The following PPP1R13B variants were observed in gnomAD, a reference collection of about 807,000 sequenced individuals.
PPP1R13B encodes the protein protein phosphatase 1 regulatory subunit 13B.
Under a neutral mutation model 119.8 loss-of-function variants are expected in PPP1R13B, and 44 were observed. That is an observed-to-expected ratio of 0.37 (90% CI 0.29 to 0.47). The LOEUF (loss-of-function observed/expected upper bound fraction) is 0.47. PPP1R13B is among the 20% of genes least tolerant of loss of function. PPP1R13B has a pLI of 0.99. For missense variants in PPP1R13B, 1,227 were observed against 1,413.5 expected, an observed-to-expected ratio of 0.87 and a Z score of 2.12; for synonymous variants, 542 against 561.5, an observed-to-expected ratio of 0.97 and a Z score of 0.49.
At chr14:103,736,424 C>T (rs1223621565) in intron 15 of PPP1R13B, 2 of 595,766 alleles carry the variant, frequency 3.4e-6, no homozygotes, top group Non-Finnish European at 3.0e-6. Context: ...TTTCTAAGTC[C>T]TGCAGGACAG....
intron 4 of PPP1R13B, among the ~76,000 whole-genome samples, chr14:103,763,661 T>C (rs1479969973): frequency 6.6e-6 from 1 of 152,224 alleles, no homozygotes; most frequent in Non-Finnish European, 1.5e-5. Flanking sequence ...AGGCATAATT[T>C]ACATATCCTA....
In PPP1R13B at chr14:103,801,597, C is replaced by T. The variant is rs973372791; in HGVS notation, c.10-4079G>A. ...GGGAGGCCACATGCTCCTTCCTTTACGATCCAGTGGCTCTTCACACAGATC... is the reference window on the plus strand; with the variant it reads ...GGGAGGCCACATGCTCCTTCCTTTATGATCCAGTGGCTCTTCACACAGATC... On this transcript the variant is annotated intron_variant, in intron 1 of 16. Transcript: ENST00000202556. Among the ~76,000 whole-genome samples the T allele has an allele frequency of 2.0e-5, 3 of 152,200 alleles. No individual in the cohort carries two copies. The South Asian group carries it at 6.2e-4, about 31-fold the overall frequency.
chr14:103,749,407 T>C (rs763064525), intron 8 of PPP1R13B, among the ~76,000 whole-genome samples: 18 of 152,184 alleles, frequency 1.2e-4, no homozygotes, highest in Non-Finnish European at 1.9e-4. Context: ...CAAATCACTT[T>C]ACAGCAAGAA....
At chr14:103,821,648 G>A (rs2152069466) in intron 1 of PPP1R13B, among the ~76,000 whole-genome samples, 1 of 152,244 alleles carries the variant, frequency 6.6e-6, no homozygotes, top group East Asian at 1.9e-4. Flanking sequence ...ATACTCGGGA[G>A]GCTAAGGCAG....
At chr14:103,755,495 G>A (rs925031619) in intron 5 of PPP1R13B, among the ~76,000 whole-genome samples, 2 of 151,994 alleles carry the variant, frequency 1.3e-5, no homozygotes, top group Admixed American at 6.5e-5. Context: ...CTTCAATAGG[G>A]TTTTCCCTAT....
chr14:103,834,581 CTTTTTTTTTTT>C (rs1157222905), intron 1 of PPP1R13B, among the ~76,000 whole-genome samples: 21 of 89,400 alleles, frequency 2.3e-4, no homozygotes, highest in African/African-American at 6.6e-4. Flanking sequence ...ATTTTAATGT[CTTTTTTTTTTT>C]TTTTTTTTTT....
chr14:103,767,774 T>C (rs186225251), intron 4 of PPP1R13B, among the ~76,000 whole-genome samples: 1 of 152,226 alleles, frequency 6.6e-6, no homozygotes, highest in Non-Finnish European at 1.5e-5. Context: ...TCTGTCACCA[T>C]ACAGTTTCAT....
At chr14:103,746,299 C>G (rs2084383362) in intron 9 of PPP1R13B, 74 bp downstream of exon 9, 1 of 199,666 alleles carries the variant, frequency 5.0e-6, no homozygotes, top group Non-Finnish European at 1.1e-5. Context: ...CCTGCCCCAC[C>G]CCCCGCCCCT....
At chr14:103,795,273 G>A (rs1195208634) in intron 2 of PPP1R13B, among the ~76,000 whole-genome samples, 12 of 152,100 alleles carry the variant, frequency 7.9e-5, no homozygotes, top group Non-Finnish European at 1.5e-4. Context: ...GACAGTATTA[G>A]AGCACAGGGA....
intron 1 of PPP1R13B, among the ~76,000 whole-genome samples, chr14:103,823,753 A>G (rs1389878955): frequency 6.6e-6 from 1 of 152,212 alleles, no homozygotes; most frequent in Non-Finnish European, 1.5e-5. Context: ...CTTTCCATGT[A>G]TAACAACTTT....
At position 103,847,324 on chromosome 14, in the gene PPP1R13B, G is replaced by A; in HGVS notation, c.-17C>T. On this transcript the variant is annotated 5_prime_UTR_variant, in exon 1 of 17. Transcript: ENST00000202556. ...CGGCATCATCGCGGGGAGAGTCCGC[G>A]ACGCCCTCGGCCGCCGCCTGACAGG... 1 of 1,201,292 alleles carries A rather than the reference G, an allele frequency of 8.3e-7. No individual in the cohort carries two copies. The allele number at this position is 1,201,292 out of a possible 1,614,324, so 74.4% of individuals were successfully genotyped here.
At chr14:103,811,641 C>G (rs1250829034) in intron 1 of PPP1R13B, among the ~76,000 whole-genome samples, 2 of 151,626 alleles carry the variant, frequency 1.3e-5, no homozygotes, top group African/African-American at 4.8e-5. Flanking sequence ...TGAGCTATGA[C>G]TGTGCCACTG....
intron 2 of PPP1R13B, among the ~76,000 whole-genome samples, chr14:103,793,317 G>C (rs1173688054): frequency 6.6e-6 from 1 of 152,186 alleles, no homozygotes; most frequent in Non-Finnish European, 1.5e-5. Context: ...TGTCAAGGGA[G>C]AGACCAGATG....
At chr14:103,789,861 A>G (rs1165234309) in intron 2 of PPP1R13B, among the ~76,000 whole-genome samples, 1 of 151,988 alleles carries the variant, frequency 6.6e-6, no homozygotes, top group Non-Finnish European at 1.5e-5. Flanking sequence ...TTTATATTGT[A>G]TTAGTGTTTA....
At position 103,847,218 on chromosome 14, in the gene PPP1R13B, G is replaced by A. The variant is rs572461162; in HGVS notation, c.9+81C>T. 172 of 1,075,624 alleles carry A rather than the reference G, an allele frequency of 1.6e-4. 1 individual carries two copies. The East Asian group carries it at 7.4e-3, about 47-fold the overall frequency. The allele number at this position is 1,075,624 out of a possible 1,614,324, so 66.6% of individuals were successfully genotyped here. A position where few individuals can be genotyped will look rare whatever the true frequency, so the allele number is the denominator to read the frequency against. The stretch of plus-strand genomic sequence containing the variant: ...CCCGGCCTCGCACCGGCCCGCGGGG[G>A]CTGGGAGCCGCGGGAGGAAGGAGGT... On this transcript the variant is annotated intron_variant, in intron 1 of 16. Coordinates refer to ENST00000202556, the MANE Select transcript of PPP1R13B (RefSeq NM_015316.3).
At chr14:103,788,846 G>A (rs1483991346) in intron 2 of PPP1R13B, among the ~76,000 whole-genome samples, 1 of 152,104 alleles carries the variant, frequency 6.6e-6, no homozygotes, top group Non-Finnish European at 1.5e-5. Flanking sequence ...ACAGACAATG[G>A]CCAAGCAGCC....
At chr14:103,786,450 G>A (rs1387603737) in intron 2 of PPP1R13B, among the ~76,000 whole-genome samples, 1 of 151,990 alleles carries the variant, frequency 6.6e-6, no homozygotes, top group Non-Finnish European at 1.5e-5. Context: ...ACTGTCTCAG[G>A]TATTATGCCT....
At chr14:103,807,946 A>T (rs1312252446) in intron 1 of PPP1R13B, among the ~76,000 whole-genome samples, 1 of 152,126 alleles carries the variant, frequency 6.6e-6, no homozygotes, top group African/African-American at 2.4e-5. Context: ...ATTCTTAAAA[A>T]AAGTTAGTGT....
chr14:103,847,540 A>ACCTCAGCCTCAG lies in PPP1R13B; in HGVS notation c.-245_-234dup. 1.0e-6 allele frequency: 1 copy of ACCTCAGCCTCAG among 984,560 alleles called. No individual in the cohort carries two copies. 61.0% of individuals were successfully genotyped at this position (984,560 alleles called of 1,614,324 possible). A position where few individuals can be genotyped will look rare whatever the true frequency, so the allele number is the denominator to read the frequency against. On this transcript the variant is annotated 5_prime_UTR_variant, in exon 1 of 17. Coordinates refer to ENST00000202556, the MANE Select transcript of PPP1R13B (RefSeq NM_015316.3). ...CCCGGCCGCCGCCGCCGCCGCCTCA[A>ACCTCAGCCTCAG]CCTCAGCCTCAGCCTCAGCCCCAGC...
Sources: allele counts gnomAD v4.1 joint callset (sites outside exome capture counted in the v4.1 genomes callset), GRCh38; gene constraint gnomAD v4.1.1; transcripts MANE v1.5; gene names NCBI Gene and HGNC (gene_info 2026-07-23, HGNC 2026-07-21).